The following VDAC2 variants were observed in gnomAD, a reference collection of about 807,000 sequenced individuals.
VDAC2 encodes non-selective voltage-gated ion channel VDAC2.
In VDAC2, 6 loss-of-function variants were observed where a neutral mutation model predicts 36.6. That is an observed-to-expected ratio of 0.16 (90% confidence interval 0.09 to 0.32). The LOEUF is 0.32. VDAC2 is among the 10% of genes least tolerant of loss of function. The pLI is 1.00. For missense variants in VDAC2, 247 were observed against 346.0 expected, an observed-to-expected ratio of 0.71 and a Z score of 2.27; for synonymous variants, 109 against 123.8, an observed-to-expected ratio of 0.88 and a Z score of 0.79.
chr10:75,229,617 T>TA (rs1842049664), intron 8 of VDAC2, 27 bp from the exon 9 acceptor site: 1 of 1,571,832 alleles, frequency 6.4e-7, no homozygotes, highest in African/African-American at 1.4e-5. Flanking sequence ...ATATTTTTCT[T>TA]ACAGTTGTTT....
chr10:75,230,970 C>T lies in VDAC2; in HGVS notation c.866C>T (p.Ala289Val), dbSNP rs1420997486. 1.9e-6 allele frequency: 3 copies of T among 1,612,424 alleles called. No individual in the cohort carries two copies. Among genetic ancestry groups the T allele is most frequent in the South Asian group, 1.1e-5 (1 of 90,936 alleles). ...GCTGGAGGCCACAAGGTTGGGCTCG[C>T]CCTGGAGTTGGAGGCTTAATCCAGC... ...INAGGHKVGL[A>V]LELEA The change falls in exon 10 of 10, where the codon GCC (alanine) becomes GTC (valine). Residue 289 changes from alanine (A) to valine (V), a missense_variant. Ala to Val is a moderately conservative substitution (Grantham distance 64). Around this residue, in one of 3 missense-constraint regions of VDAC2, gnomAD observed 159 missense variants for 234.0 expected, o/e 0.68. Transcript: ENST00000332211.
chr10:75,211,045 G>C, intron 1 of VDAC2, 89 bp from the exon 2 acceptor site: 1 of 1,273,110 alleles, frequency 7.9e-7, no homozygotes. Context: ...AGATGGCCGC[G>C]CTGCCCCGCG....
chr10:75,224,010 G>A (rs902301117), intron 8 of VDAC2, among the ~76,000 whole-genome samples: 4 of 152,202 alleles, frequency 2.6e-5, no homozygotes, highest in Admixed American at 2.6e-4. Context: ...ACTGGTAAAT[G>A]TAAATAAAGT....
At chr10:75,228,271 TTTC>T (rs759515301) in intron 8 of VDAC2, among the ~76,000 whole-genome samples, 33 of 114,820 alleles carry the variant, frequency 2.9e-4, no homozygotes, top group Admixed American at 1.8e-3. Context: ...GGTATTTTTC[TTTC>T]TTTTTTTTTT....
intron 8 of VDAC2, among the ~76,000 whole-genome samples, chr10:75,228,764 T>C (rs953653223): frequency 6.6e-6 from 1 of 152,234 alleles, no homozygotes; most frequent in Non-Finnish European, 1.5e-5. Flanking sequence ...GTTACCTTTA[T>C]ATTGTAGCCC....
rs766714350 is a variant in VDAC2 at position 75,229,630 on chromosome 10, GTATTT to G, written c.736-6_736-2del. 1.3e-5 allele frequency: 20 copies of G among 1,588,992 alleles called. No individual in the cohort carries two copies. The East Asian group carries it at 2.9e-4, about 23-fold the overall frequency. ...AAATATTTTTCTTACAGTTGTTTTT[GTATTT>G]TATTTTAGGCAAAAGTCAACAACTC... On this transcript the variant is annotated splice_polypyrimidine_tract_variant and intron_variant, in intron 8 of 9. Coordinates refer to ENST00000332211, the MANE Select transcript of VDAC2 (RefSeq NM_001391963.1).
rs373447718 is a variant in VDAC2 at position 75,211,103 on chromosome 10, C to T, written c.-25-31C>T. On this transcript the variant is annotated intron_variant, in intron 1 of 9. Transcript: ENST00000332211. ...GGATCTCCCTTTGGCCCTTTGACCCCAGCTTACCGCACTTCTTGTCCCTCC... is the reference window on the plus strand; with the variant it reads ...GGATCTCCCTTTGGCCCTTTGACCCTAGCTTACCGCACTTCTTGTCCCTCC... 1.3e-4 allele frequency: 204 copies of T among 1,585,870 alleles called. 1 individual carries two copies. The highest frequency in any genetic ancestry group is 2.4e-4 in the African/African-American group (18 of 74,268).
rs977608600 is a variant in VDAC2 at position 75,210,866 on chromosome 10, C to T, written c.-98C>T. The T allele has an allele frequency of 2.9e-6, 1 of 348,808 alleles. No homozygotes were observed. Among genetic ancestry groups the T allele is most frequent in the Non-Finnish European group, 5.2e-6 (1 of 193,054 alleles). The allele number at this position is 348,808 out of a possible 1,614,324, so 21.6% of individuals were successfully genotyped here. A position where few individuals can be genotyped will look rare whatever the true frequency, so the allele number is the denominator to read the frequency against. ...CCCTCCAGCTGCTGGAGCTGCAGCC[C>T]GACCGCGAGCGTGCCAAGCGGCTTC... On this transcript the variant is annotated 5_prime_UTR_variant, in exon 1 of 10. Transcript: ENST00000332211.
intron 3 of VDAC2, 84 bp downstream of exon 3, chr10:75,212,382 C>T: frequency 1.7e-6 from 2 of 1,192,054 alleles, no homozygotes; most frequent in Middle Eastern, 2.1e-4. Flanking sequence ...TCAATCATTG[C>T]AAATTGTAAA....
intron 6 of VDAC2, among the ~76,000 whole-genome samples, chr10:75,220,388 C>T (rs1236804891): frequency 1.3e-5 from 2 of 152,318 alleles, no homozygotes; most frequent in East Asian, 1.9e-4. Context: ...AGATTACAGG[C>T]GGGAGCCACC....
In VDAC2 at chr10:75,220,750, AGTG is replaced by A; in HGVS notation, c.367_369del (p.Gly123del). 1 of 1,608,342 alleles carries A rather than the reference AGTG, an allele frequency of 6.2e-7. No individual in the cohort carries two copies. Among genetic ancestry groups the A allele is most frequent in the Non-Finnish European group, 8.5e-7 (1 of 1,176,362 alleles). ...AGTTTGTTCTTTTTCCAGAAAGAAA[AGTG>A]GTAAAATCAAGTCTTCTTACAAGAG... On this transcript the variant is annotated inframe_deletion, in exon 7 of 10. Coordinates refer to ENST00000332211, the MANE Select transcript of VDAC2 (RefSeq NM_001391963.1).
intron 3 of VDAC2, among the ~76,000 whole-genome samples, chr10:75,213,807 C>T (rs1188716721): frequency 2.0e-5 from 3 of 152,144 alleles, no homozygotes; most frequent in Non-Finnish European, 4.4e-5. Flanking sequence ...CTACCAAAAA[C>T]TAGACAAAGC....
At chr10:75,212,877 C>T (rs1029278404) in intron 3 of VDAC2, among the ~76,000 whole-genome samples, 2 of 152,010 alleles carry the variant, frequency 1.3e-5, no homozygotes, top group African/African-American at 4.8e-5. Context: ...ATAGCTTAGG[C>T]CCTGGTTGAC....
At position 75,222,337 on chromosome 10, in the gene VDAC2, G is replaced by A; in HGVS notation, c.670G>A (p.Gly224Ser). The change falls in exon 8 of 10, where the codon GGT (glycine) becomes AGT (serine). Residue 224 changes from glycine (G) to serine (S), a missense_variant. This residue lies in a region of VDAC2 where 159 missense variants were observed against 234.0 expected (regional missense o/e 0.68). Transcript: ENST00000332211. Reference protein sequence around the residue: ...DTSVNLAWTSGTNCTRFGIAA... With the variant: ...DTSVNLAWTSSTNCTRFGIAA... Reference sequence around the variant, plus strand: ...TTCAGTAAACCTTGCTTGGACATCAGGTACCAACTGCACTCGTTTTGGCAT... The same window carrying A: ...TTCAGTAAACCTTGCTTGGACATCAAGTACCAACTGCACTCGTTTTGGCAT... 1 of 1,614,142 alleles carries A rather than the reference G, an allele frequency of 6.2e-7. No homozygotes were observed. The highest frequency in any genetic ancestry group is 1.6e-4 in the Middle Eastern group (1 of 6,062).
intron 2 of VDAC2, chr10:75,211,511 T>G: frequency 7.1e-6 from 11 of 1,542,324 alleles, no homozygotes; most frequent in Non-Finnish European, 8.7e-6. Context: ...CTAGAGGAAG[T>G]AGCAGTCCCT....
At chr10:75,211,503 A>G in intron 2 of VDAC2, 2 of 1,535,582 alleles carry the variant, frequency 1.3e-6, no homozygotes, top group Non-Finnish European at 1.8e-6. Context: ...TCACTTTTCT[A>G]GAGGAAGTAG....
At chr10:75,220,197 C>T (rs1293293084) in intron 6 of VDAC2, among the ~76,000 whole-genome samples, 2 of 151,964 alleles carry the variant, frequency 1.3e-5, no homozygotes, top group Non-Finnish European at 2.9e-5. Flanking sequence ...CCTCTGCCTC[C>T]TGGGTTGAAG....
rs181283120 is a variant in VDAC2 at position 75,222,431 on chromosome 10, G to T, written c.735+29G>T. 3.7e-6 allele frequency: 6 copies of T among 1,611,704 alleles called. No homozygotes were observed. In the African/African-American group the frequency reaches 8.0e-5, roughly 21 times the overall value. ...AGTACTTTTGTGGACTTAGAATGGGGGTTTTGGTTGTGGGAATGAGTCTTT... is the reference window on the plus strand; with the variant it reads ...AGTACTTTTGTGGACTTAGAATGGGTGTTTTGGTTGTGGGAATGAGTCTTT... On this transcript the variant is annotated intron_variant, in intron 8 of 9. Coordinates refer to ENST00000332211, the MANE Select transcript of VDAC2 (RefSeq NM_001391963.1).
chr10:75,218,993 TGC>T, intron 4 of VDAC2, 68 bp from the exon 5 acceptor site: 3 of 1,477,090 alleles, frequency 2.0e-6, no homozygotes, highest in South Asian at 1.3e-5. Context: ...TGTGTGTGTG[TGC>T]GTGTGTAAGG....
Sources: gnomAD v4.1 joint callset for allele counts (sites outside exome capture counted in the v4.1 genomes callset) on GRCh38, gnomAD v4.1.1 for gene constraint, gnomAD v4.1.1 regional missense constraint, MANE v1.5 for transcripts, NCBI Gene and HGNC (gene_info 2026-07-23, HGNC 2026-07-21) for gene names.